The following ZMYND8 variants were observed in gnomAD, a reference collection of about 807,000 sequenced individuals.
ZMYND8 encodes MYND-type zinc finger-containing chromatin reader ZMYND8.
Under a neutral mutation model 140.8 loss-of-function variants are expected in ZMYND8, and 37 were observed. The observed-to-expected ratio is 0.26, with a 90% CI of 0.20 to 0.35. ZMYND8 has a LOEUF of 0.35. ZMYND8 is among the 10% of genes least tolerant of loss of function. The pLI is 1.00. For synonymous variants in ZMYND8, 592 were observed against 597.1 expected, an observed-to-expected ratio of 0.99 and a Z score of 0.12; for missense variants, 1,068 against 1,570.0, an observed-to-expected ratio of 0.68 and a Z score of 5.40.
In ZMYND8 at chr20:47,290,293, G is replaced by A. The variant is rs778514576; in HGVS notation, c.661-19C>T. The A allele has an allele frequency of 1.2e-6, 2 of 1,610,402 alleles. No homozygotes were observed. The highest frequency in any genetic ancestry group is 1.3e-5 in the African/African-American group (1 of 74,802). The stretch of plus-strand genomic sequence containing the variant: ...TCGCATTCTGGGAAGAAAAGCGATG[G>A]AGCATAATCACAGTGAGTCTAGACA... On this transcript the variant is annotated intron_variant, in intron 6 of 22. Coordinates refer to ENST00000471951, the MANE Select transcript of ZMYND8 (RefSeq NM_001281775.3).
At chr20:47,238,390 A>G (rs2039513137) in intron 15 of ZMYND8, 1 of 332,546 alleles carries the variant, frequency 3.0e-6, no homozygotes, top group Non-Finnish European at 5.7e-6. Flanking sequence ...ATATATACAT[A>G]TACATGCATA....
chr20:47,271,231 C>T (rs761810225), intron 11 of ZMYND8, among the ~76,000 whole-genome samples: 1 of 152,140 alleles, frequency 6.6e-6, no homozygotes, highest in Non-Finnish European at 1.5e-5. Context: ...ACCTATTAGC[C>T]GTGTGTAACA....
chr20:47,349,311 T>G (rs918379746), intron 1 of ZMYND8, among the ~76,000 whole-genome samples: 1 of 152,200 alleles, frequency 6.6e-6, no homozygotes, highest in Non-Finnish European at 1.5e-5. Context: ...TGAACCCCGT[T>G]AACAATTTCA....
intron 8 of ZMYND8, among the ~76,000 whole-genome samples, chr20:47,286,817 G>T (rs6066266): frequency 8.6e-5 from 13 of 151,940 alleles, no homozygotes; most frequent in Non-Finnish European, 1.9e-4. Context: ...TGGACACCTG[G>T]GCCACTCTCC....
chr20:47,322,438 C>CTTT (rs1166725847), intron 2 of ZMYND8, among the ~76,000 whole-genome samples: 5 of 120,770 alleles, frequency 4.1e-5, no homozygotes, highest in African/African-American at 1.2e-4. Context: ...GATGGCATTT[C>CTTT]TTTTTTTTTT....
At chr20:47,317,553 G>A (rs2079510091) in intron 2 of ZMYND8, among the ~76,000 whole-genome samples, 1 of 152,228 alleles carries the variant, frequency 6.6e-6, no homozygotes, top group Non-Finnish European at 1.5e-5. Context: ...TTTTGTGGGT[G>A]TTTAATTTCC....
At chr20:47,259,686 T>C (rs1416261599) in intron 12 of ZMYND8, among the ~76,000 whole-genome samples, 2 of 152,106 alleles carry the variant, frequency 1.3e-5, no homozygotes, top group Admixed American at 1.3e-4. Context: ...ACATCCTCAA[T>C]GTCCCAGGGG....
intron 2 of ZMYND8, among the ~76,000 whole-genome samples, chr20:47,346,631 G>C (rs1227602248): frequency 1.3e-5 from 2 of 151,634 alleles, no homozygotes; most frequent in Admixed American, 1.3e-4. Flanking sequence ...TTTTGAGATG[G>C]AGTCTTGCTC....
intron 2 of ZMYND8, among the ~76,000 whole-genome samples, chr20:47,315,985 T>G (rs2079361286): frequency 6.6e-6 from 1 of 152,184 alleles, no homozygotes; most frequent in Admixed American, 6.5e-5. Flanking sequence ...TTTCCTCTCC[T>G]TGTGACATTT....
intron 15 of ZMYND8, among the ~76,000 whole-genome samples, chr20:47,237,054 A>G (rs2039329275): frequency 6.6e-6 from 1 of 152,160 alleles, no homozygotes; most frequent in Non-Finnish European, 1.5e-5. Flanking sequence ...CTATTACAGT[A>G]GCATATTACC....
chr20:47,328,001 G>A (rs1194531819), intron 2 of ZMYND8, among the ~76,000 whole-genome samples: 3 of 152,004 alleles, frequency 2.0e-5, no homozygotes, highest in Non-Finnish European at 4.4e-5. Context: ...TTTCAGAGAT[G>A]AGGTCTCACT....
chr20:47,274,195 GA>G (rs1335565926), intron 11 of ZMYND8, among the ~76,000 whole-genome samples: 2 of 152,116 alleles, frequency 1.3e-5, no homozygotes, highest in Admixed American at 6.5e-5. Context: ...TGAATTTTTT[GA>G]AATGTGGTGC....
chr20:47,293,160 GAGGGAGGGAGGGAGGGAGGGAGGGAGGC>G (rs1485968877), intron 5 of ZMYND8, among the ~76,000 whole-genome samples: 10 of 34,410 alleles, frequency 2.9e-4, no homozygotes, highest in Admixed American at 1.1e-3. Context: ...GGGAGGGAGG[GAGGGAGGGAGGGAGGGAGGGAGGGAGGC>G]AGGCAGGCAG....
Position 47,210,872 on chromosome 20 carries a change from A to G in ZMYND8, c.3594T>C (p.Ser1198=), listed in dbSNP as rs201142216. The change falls in exon 23 of 23, where the codon AGT becomes AGC. Residue 1198 remains serine (S), a synonymous_variant. Coordinates refer to ENST00000471951, the MANE Select transcript of ZMYND8 (RefSeq NM_001281775.3). Reference sequence around the variant, plus strand: ...CCCTCTTCTCATCACTGCTGCTCCAACTGGATTTATTACTCCGGGAATGGT... The same window carrying G: ...CCCTCTTCTCATCACTGCTGCTCCAGCTGGATTTATTACTCCGGGAATGGT... ...QKYHSRSNKS[S]WSSSDEKRGS... is the part of the protein sequence containing the mutation. 22 of 1,613,800 alleles carry G rather than the reference A, an allele frequency of 1.4e-5. No homozygotes were observed. The highest frequency in any genetic ancestry group is 1.2e-4 in the Admixed American group (7 of 59,992).
intron 9 of ZMYND8, among the ~76,000 whole-genome samples, chr20:47,282,973 C>G (rs558588220): frequency 6.6e-6 from 1 of 152,082 alleles, no homozygotes; most frequent in Non-Finnish European, 1.5e-5. Flanking sequence ...TCCAAAAGCA[C>G]GAAGAGATGC....
chr20:47,351,143 CTGCA>C (rs1232691358), intron 1 of ZMYND8, among the ~76,000 whole-genome samples: 1 of 152,212 alleles, frequency 6.6e-6, no homozygotes, highest in African/African-American at 2.4e-5. Flanking sequence ...ACTTCTTAAC[CTGCA>C]TGCACTGAAA....
chr20:47,239,020 C>A lies in ZMYND8; in HGVS notation c.2403G>T (p.Thr801=). 1 of 1,599,198 alleles carries A rather than the reference C, an allele frequency of 6.3e-7. No individual in the cohort carries two copies. Among genetic ancestry groups the A allele is most frequent in the Non-Finnish European group, 8.5e-7 (1 of 1,169,848 alleles). ...SAAGATATTS[T]SSTVTVTAPA... ...GGGCCGTGACGGTGACCGTGGAGGACGTGCTGGTGGTGGCTGTGGCGCCAG... is the reference window on the plus strand; with the variant it reads ...GGGCCGTGACGGTGACCGTGGAGGAAGTGCTGGTGGTGGCTGTGGCGCCAG... Residue 801 remains threonine (T), a synonymous_variant, in exon 15 of 23, where the codon ACG becomes ACT. Transcript: ENST00000471951.
In ZMYND8 at chr20:47,263,505, C is replaced by T. The variant is rs144014444; in HGVS notation, c.1481-1077G>A. 6.5e-4 allele frequency among the ~76,000 whole-genome samples: 99 copies of T among 152,308 alleles called. No homozygotes were observed. The East Asian group carries it at 0.018, about 27-fold the overall frequency. ...CTTCAGTGTGTTGAAACTCACATAC[C>T]ACTCGGCTGGTGAATCCAAGTAAGC... On this transcript the variant is annotated intron_variant, in intron 11 of 22. Coordinates refer to ENST00000471951, the MANE Select transcript of ZMYND8 (RefSeq NM_001281775.3).
chr20:47,226,578 G>A (rs753876563), intron 18 of ZMYND8, among the ~76,000 whole-genome samples: 11 of 152,114 alleles, frequency 7.2e-5, no homozygotes, highest in South Asian at 2.1e-4. Flanking sequence ...AACTGTGGCC[G>A]TGTGACTTTG....
Sources: gnomAD v4.1 joint callset for allele counts (sites outside exome capture counted in the v4.1 genomes callset) on GRCh38, gnomAD v4.1.1 for gene constraint, MANE v1.5 for transcripts, NCBI Gene and HGNC (gene_info 2026-07-23, HGNC 2026-07-21) for gene names.